TBCE: variants seen among roughly 807,000 people sequenced by gnomAD.
TBCE encodes the protein tubulin-specific chaperone E.
A neutral mutation model predicts 77.0 loss-of-function variants in TBCE; 53 were observed. The observed-to-expected ratio is 0.69, with a 90% CI of 0.55 to 0.87. TBCE has a LOEUF of 0.87. TBCE is among the 40% of genes least tolerant of loss of function. The probability of loss-of-function intolerance (pLI) is 0.00; values close to 1 mark genes in which losing one functional copy is unlikely to be tolerated. For synonymous variants in TBCE, 235 were observed against 241.3 expected (o/e 0.97, Z 0.24); for missense variants, 624 against 622.4 (o/e 1.00, Z -0.03).
At chr1:235,420,131 T>C (rs1680318461) in intron 5 of TBCE, among the ~76,000 whole-genome samples, 1 of 152,172 alleles carries the variant, frequency 6.6e-6, no homozygotes, top group South Asian at 2.1e-4. Context: ...CTTTTGCCTG[T>C]TGCTTTTACC....
In TBCE at chr1:235,435,789, C is replaced by T. The variant is rs1572430119; in HGVS notation, c.782C>T (p.Ser261Phe). The T allele has an allele frequency of 6.2e-7, 1 of 1,614,186 alleles. No individual in the cohort carries two copies. The highest frequency in any genetic ancestry group is 1.1e-5 in the South Asian group (1 of 91,084). Reference sequence around the variant, plus strand: ...ACAGTCAAGTTATTAGATCTTTCCTCTAATCAATTAATTGATGAAAATCAG... The same window carrying T: ...ACAGTCAAGTTATTAGATCTTTCCTTTAATCAATTAATTGATGAAAATCAG... The part of the protein sequence containing the change: ...LQTVKLLDLS[S>F]NQLIDENQLY... The change falls in exon 9 of 17, where the codon TCT (serine) becomes TTT (phenylalanine). Residue 261 changes from serine to phenylalanine, a missense_variant. Ser to Phe is a radical substitution (Grantham distance 155). Transcript: ENST00000642610.
intron 4 of TBCE, among the ~76,000 whole-genome samples, chr1:235,416,875 C>T (rs943314476): frequency 2.6e-5 from 4 of 152,146 alleles, no homozygotes; most frequent in East Asian, 1.9e-4. Context: ...TGGGTTCAGC[C>T]GCCAGCTAAG....
chr1:235,387,749 T>G (rs1678116781), intron 2 of TBCE, among the ~76,000 whole-genome samples: 1 of 152,040 alleles, frequency 6.6e-6, no homozygotes, highest in African/African-American at 2.4e-5. Context: ...CCCTTGCGCT[T>G]CCCAAATGAG....
At chr1:235,377,754 C>T (rs538745965) in intron 1 of TBCE, among the ~76,000 whole-genome samples, 29 of 151,204 alleles carry the variant, frequency 1.9e-4, no homozygotes, top group East Asian at 5.8e-4. Context: ...CGGGTTCAAG[C>T]GATTCTCCTG....
At chr1:235,435,904 T>C in intron 9 of TBCE, 64 bp downstream of exon 9, 1 of 1,283,034 alleles carries the variant, frequency 7.8e-7, no homozygotes, top group Non-Finnish European at 1.1e-6. Flanking sequence ...GCAGTTTTCA[T>C]ATGCTATGTA....
chr1:235,384,217 CCA>C (rs1185808890), intron 2 of TBCE, among the ~76,000 whole-genome samples: 1 of 127,690 alleles, frequency 7.8e-6, no homozygotes, highest in Admixed American at 8.5e-5. Flanking sequence ...ATTCGGTTTG[CCA>C]GTATTTTATT....
At chr1:235,419,687 G>T (rs1680291341) in intron 5 of TBCE, 126 bp downstream of exon 5, 2 of 1,356,152 alleles carry the variant, frequency 1.5e-6, no homozygotes, top group Admixed American at 3.9e-5. Flanking sequence ...GTTCAGTTTT[G>T]CTTGGTGTAG....
intron 2 of TBCE, among the ~76,000 whole-genome samples, chr1:235,395,182 C>T (rs1172699230): frequency 6.6e-6 from 1 of 152,072 alleles, no homozygotes; most frequent in Non-Finnish European, 1.5e-5. Flanking sequence ...TGGGTAAATA[C>T]CAAGGAGGAT....
chr1:235,447,789 G>A (rs1389518107), intron 15 of TBCE, among the ~76,000 whole-genome samples: 1 of 152,152 alleles, frequency 6.6e-6, no homozygotes, highest in African/African-American at 2.4e-5. Flanking sequence ...CTACTGAAAT[G>A]GTATGAAACT....
chr1:235,377,024 G>A (rs1338636611), intron 1 of TBCE, among the ~76,000 whole-genome samples: 1 of 152,060 alleles, frequency 6.6e-6, no homozygotes, highest in African/African-American at 2.4e-5. Context: ...TGGGCTCGGA[G>A]ATTATTTCTC....
rs1444178399 is a variant in TBCE, at chr1:235,414,508, C to G, written c.261C>G (p.Asn87Lys). Residue 87 changes from asparagine (N) to lysine (K), a missense_variant, in exon 4 of 17, where the codon AAC (asparagine) becomes AAG (lysine). Physicochemically the swap from Asn to Lys is moderately conservative, Grantham distance 94. Transcript: ENST00000642610. The part of the protein sequence containing the change: ...FGTDFLTAIK[N>K]RYVLEDGPEE... ...CAGACTTTCTTACTGCAATTAAGAACCGCTATGTGTTAGAAGATGGACCAG... is the reference window on the plus strand; with the variant it reads ...CAGACTTTCTTACTGCAATTAAGAAGCGCTATGTGTTAGAAGATGGACCAG... 1 of 1,613,690 alleles carries G rather than the reference C, an allele frequency of 6.2e-7. No individual in the cohort carries two copies.
At chr1:235,401,621 A>C (rs1679111292) in intron 3 of TBCE, 34 bp downstream of exon 3, 1 of 1,540,080 alleles carries the variant, frequency 6.5e-7, no homozygotes, top group Non-Finnish European at 9.0e-7. Flanking sequence ...ACGGTCATTT[A>C]GTCAAGATTA....
rs1482842506 is a variant in TBCE at position 235,379,477 on chromosome 1, G to A, written c.-31-542G>A. On this transcript the variant is annotated intron_variant, in intron 1 of 16. Transcript: ENST00000642610. ...AGGGAGGTGGAGGTTGCAGTGAGCC[G>A]AGATCGTGCCACAGCACTCCAGCCT... 2.6e-5 allele frequency among the ~76,000 whole-genome samples: 4 copies of A among 152,202 alleles called. 1 individual carries two copies. The highest frequency in any genetic ancestry group is 2.4e-5 in the African/African-American group (1 of 41,542).
chr1:235,448,484 C>A, intron 16 of TBCE, 44 bp downstream of exon 16: 1 of 1,568,358 alleles, frequency 6.4e-7, no homozygotes, highest in Non-Finnish European at 8.8e-7. Context: ...AAGCTTAGTC[C>A]TCGTATTATG....
At chr1:235,434,540 T>TTTCTTC (rs775290462) in intron 8 of TBCE, among the ~76,000 whole-genome samples, 1 of 85,278 alleles carries the variant, frequency 1.2e-5, no homozygotes, top group Non-Finnish European at 2.1e-5. Context: ...GTTTCTTTTT[T>TTTCTTC]TTCTTTTTCT....
intron 15 of TBCE, among the ~76,000 whole-genome samples, chr1:235,443,579 GCTGTTTCCAGGGAGA>G (rs535676213): frequency 8.8e-4 from 134 of 152,250 alleles, no homozygotes; most frequent in African/African-American, 3.0e-3. Flanking sequence ...CAAGCCTGCT[GCTGTTTCCAGGGAGA>G]CTGTGACACT....
At position 235,369,801 on chromosome 1, in the gene TBCE, C is replaced by T. The variant is rs577495974; in HGVS notation, c.-32+2297C>T. Among the ~76,000 whole-genome samples, 343 of 150,128 alleles carry T rather than the reference C, an allele frequency of 2.3e-3. 1 individual carries two copies. The Middle Eastern group carries it at 0.024, about 11-fold the overall frequency. On this transcript the variant is annotated intron_variant, in intron 1 of 16. Coordinates refer to ENST00000642610, the MANE Select transcript of TBCE (RefSeq NM_003193.5). ...GAGCCGAGATTGTGCCATTGCACTC[C>T]AGTCTGGGCAACAAGGGCAAAACTC...
At chr1:235,402,808 TAAA>T (rs377763779) in intron 3 of TBCE, among the ~76,000 whole-genome samples, 3 of 151,698 alleles carry the variant, frequency 2.0e-5, no homozygotes, top group African/African-American at 7.3e-5. Context: ...AAAATAAAAA[TAAA>T]AAAGAGATGA....
chr1:235,370,815 C>A (rs894326214), intron 1 of TBCE, among the ~76,000 whole-genome samples: 5 of 148,082 alleles, frequency 3.4e-5, no homozygotes, highest in South Asian at 2.1e-4. Flanking sequence ...GATGTCGGCT[C>A]ACTGCAACCT....
Sources: allele counts gnomAD v4.1 joint callset (sites outside exome capture counted in the v4.1 genomes callset), GRCh38; gene constraint gnomAD v4.1.1; transcripts MANE v1.5; gene names NCBI Gene and HGNC (gene_info 2026-07-23, HGNC 2026-07-21).